The following RGS6 variants were observed in gnomAD, a reference collection of about 807,000 sequenced individuals.
RGS6 encodes the protein regulator of G protein signaling 6, also known as regulator of G-protein signaling 6.
Under a neutral mutation model 78.5 loss-of-function variants are expected in RGS6, and 30 were observed. The ratio of observed to expected loss-of-function variants is 0.38; its 90% confidence interval spans 0.29 to 0.52. RGS6 has a LOEUF of 0.52. Among genes scored for constraint, RGS6 ranks in the 20% least tolerant of loss-of-function variants. The pLI is 0.85. For synonymous variants in RGS6, 206 were observed against 206.0 expected, an observed-to-expected ratio of 1.00 and a Z score of 0.00; for missense variants, 495 against 609.7, an observed-to-expected ratio of 0.81 and a Z score of 1.98.
intron 2 of RGS6, among the ~76,000 whole-genome samples, chr14:72,246,622 A>G: frequency 6.6e-6 from 1 of 152,144 alleles, no homozygotes; most frequent in East Asian, 1.9e-4. Flanking sequence ...TAAGAATATT[A>G]TTGAAGGCTT....
chr14:72,285,915 C>A (rs76252906), intron 2 of RGS6, among the ~76,000 whole-genome samples: 2,537 of 152,270 alleles, frequency 0.017, 56 homozygotes, highest in African/African-American at 0.057. Flanking sequence ...AGGTATTAAA[C>A]CCTTGTCAGA....
chr14:71,909,181 A>G, the RGS6 span, among the ~76,000 whole-genome samples: 540 of 152,276 alleles, frequency 3.5e-3, 7 homozygotes, highest in African/African-American at 0.012. Context: ...AGAGTCACTA[A>G]GAAAGGATGG....
intron 2 of RGS6, among the ~76,000 whole-genome samples, chr14:72,241,684 T>G (rs766379349): frequency 5.9e-5 from 9 of 152,254 alleles, no homozygotes; most frequent in Non-Finnish European, 1.2e-4. Flanking sequence ...TTGCAAATAA[T>G]AGATATATGA....
intron 4 of RGS6, among the ~76,000 whole-genome samples, chr14:72,455,352 C>T (rs2095604489): frequency 6.6e-6 from 1 of 152,172 alleles, no homozygotes; most frequent in South Asian, 2.1e-4. Flanking sequence ...ATTAGACTTA[C>T]CTGCCCCAAA....
At chr14:72,159,455 T>C (rs149677) in intron 2 of RGS6, among the ~76,000 whole-genome samples, 25,444 of 152,130 alleles carry the variant, frequency 0.17, 2,283 homozygotes, top group East Asian at 0.35. Context: ...CTTTGCCTCT[T>C]GGCCTCTCAG....
intron 2 of RGS6, among the ~76,000 whole-genome samples, chr14:72,314,283 G>C (rs1453674020): frequency 6.6e-6 from 1 of 152,138 alleles, no homozygotes; most frequent in East Asian, 1.9e-4. Flanking sequence ...GCTCCTGTCT[G>C]CTGCTCTCTT....
At chr14:72,056,203 C>T (rs574310299) in intron 2 of RGS6, among the ~76,000 whole-genome samples, 1 of 152,090 alleles carries the variant, frequency 6.6e-6, no homozygotes, top group Non-Finnish European at 1.5e-5. Flanking sequence ...GATGTGAAGC[C>T]CAGAGAAGTT....
intron 2 of RGS6, among the ~76,000 whole-genome samples, chr14:71,994,930 T>C (rs1978226): frequency 0.94 from 142,673 of 152,202 alleles, 66,975 homozygotes; most frequent in East Asian, 0.99. Context: ...ACCACAAGCC[T>C]GAGGTTTTCA....
intron 2 of RGS6, among the ~76,000 whole-genome samples, chr14:72,124,112 A>T (rs1419774983): frequency 6.6e-6 from 1 of 152,236 alleles, no homozygotes; most frequent in Non-Finnish European, 1.5e-5. Flanking sequence ...GTCCTGCAGC[A>T]GAGGCACAGA....
intron 2 of RGS6, among the ~76,000 whole-genome samples, chr14:72,168,245 T>C (rs946460719): frequency 3.3e-5 from 5 of 152,092 alleles, no homozygotes; most frequent in African/African-American, 9.7e-5. Context: ...CCAGCCTACA[T>C]GTCGAGGATC....
At chr14:71,987,771 C>A (rs953396671) in intron 2 of RGS6, among the ~76,000 whole-genome samples, 1 of 152,206 alleles carries the variant, frequency 6.6e-6, no homozygotes, top group Admixed American at 6.5e-5. Context: ...ATCCTCCCTC[C>A]TCAGCCTCCC....
chr14:72,040,422 T>C (rs1189786643), intron 2 of RGS6, among the ~76,000 whole-genome samples: 1 of 152,070 alleles, frequency 6.6e-6, no homozygotes, highest in Admixed American at 6.5e-5. Context: ...TTTAGCATGT[T>C]GAGTATATTA....
At chr14:72,312,847 C>T (rs1006463886) in intron 2 of RGS6, among the ~76,000 whole-genome samples, 2 of 152,160 alleles carry the variant, frequency 1.3e-5, no homozygotes, top group African/African-American at 2.4e-5. Flanking sequence ...AACCCCTCTC[C>T]CATACAAAGC....
At chr14:72,209,768 A>G (rs2043604510) in intron 2 of RGS6, among the ~76,000 whole-genome samples, 1 of 152,210 alleles carries the variant, frequency 6.6e-6, no homozygotes, top group African/African-American at 2.4e-5. Context: ...CACCTAAATC[A>G]TGATCCTTGT....
the RGS6 span, among the ~76,000 whole-genome samples, chr14:71,914,280 C>T: frequency 1.3e-5 from 2 of 152,084 alleles, no homozygotes; most frequent in African/African-American, 4.8e-5. Context: ...ACTTTTTTGG[C>T]CATGGTTCAT....
At position 72,172,470 on chromosome 14, in the gene RGS6, A is replaced by G. The variant is rs369673779; in HGVS notation, c.85-179625A>G. ...GTGGTACACACACACCCATACTTAT[A>G]TGCATATTTGTAAACATGTGTTATG... On this transcript the variant is annotated intron_variant, in intron 2 of 17. Transcript: ENST00000553525. Among the ~76,000 whole-genome samples the G allele has an allele frequency of 1.2e-4, 18 of 152,146 alleles. No homozygotes were observed. The South Asian group carries it at 3.5e-3, about 30-fold the overall frequency.
intron 2 of RGS6, among the ~76,000 whole-genome samples, chr14:72,111,462 C>A (rs1168234153): frequency 1.3e-5 from 2 of 152,060 alleles, no homozygotes; most frequent in African/African-American, 4.8e-5. Flanking sequence ...ATGTAATTTC[C>A]ACTTACAAAT....
intron 2 of RGS6, among the ~76,000 whole-genome samples, chr14:72,016,273 C>A (rs1020935175): frequency 6.6e-6 from 1 of 152,220 alleles, no homozygotes; most frequent in African/African-American, 2.4e-5. Flanking sequence ...CCAGTTGTCT[C>A]AGTTACATGT....
chr14:72,411,745 A>G (rs1192236540), intron 3 of RGS6, among the ~76,000 whole-genome samples: 1 of 152,206 alleles, frequency 6.6e-6, no homozygotes, highest in Non-Finnish European at 1.5e-5. Flanking sequence ...CATCCCATCA[A>G]TACCTAATTT....
Sources: allele counts gnomAD v4.1 joint callset (sites outside exome capture counted in the v4.1 genomes callset), GRCh38; gene constraint gnomAD v4.1.1; transcripts MANE v1.5; gene names NCBI Gene and HGNC (gene_info 2026-07-23, HGNC 2026-07-21).